ATXN1: variants seen among roughly 807,000 people sequenced by gnomAD.
ATXN1 encodes ataxin 1.
Under a neutral mutation model 56.4 loss-of-function variants are expected in ATXN1, and 8 were observed. The observed-to-expected ratio is 0.14, with a 90% CI of 0.08 to 0.26. ATXN1 has a LOEUF of 0.26. Ranked by LOEUF, ATXN1 falls within the 10% of genes least tolerant of loss-of-function variation. ATXN1 has a pLI of 1.00. For missense variants in ATXN1, 987 were observed against 1,106.5 expected (o/e 0.89, Z 1.53); for synonymous variants, 514 against 494.6 (o/e 1.04, Z -0.52).
At chr6:16,729,536 A>G (rs1254276363) in intron 2 of ATXN1, among the ~76,000 whole-genome samples, 1 of 152,196 alleles carries the variant, frequency 6.6e-6, no homozygotes, top group Admixed American at 6.5e-5. Flanking sequence ...GCAACTTGTC[A>G]TACCTATGTC....
intron 3 of ATXN1, among the ~76,000 whole-genome samples, chr6:16,609,549 C>T (rs1251117737): frequency 6.6e-6 from 1 of 152,196 alleles, no homozygotes; most frequent in Non-Finnish European, 1.5e-5. Context: ...TGTGCAGCTG[C>T]TGAAAAACAC....
intron 4 of ATXN1, among the ~76,000 whole-genome samples, chr6:16,567,953 T>C (rs1355123635): frequency 6.6e-6 from 1 of 152,200 alleles, no homozygotes; most frequent in East Asian, 1.9e-4. Flanking sequence ...CTTCCATGTG[T>C]TAGATTTTCC....
At chr6:16,444,391 G>C (rs1759591959) in intron 6 of ATXN1, among the ~76,000 whole-genome samples, 1 of 152,148 alleles carries the variant, frequency 6.6e-6, no homozygotes, top group Non-Finnish European at 1.5e-5. Context: ...AACTATCAAA[G>C]ACAGCCAGTA....
chr6:16,659,541 C>T (rs1222147932), intron 2 of ATXN1, among the ~76,000 whole-genome samples: 1 of 152,154 alleles, frequency 6.6e-6, no homozygotes, highest in East Asian at 1.9e-4. Context: ...AGGTCCTTGA[C>T]GTTTCATTCC....
intron 3 of ATXN1, among the ~76,000 whole-genome samples, chr6:16,608,833 G>T (rs1212148095): frequency 1.3e-5 from 2 of 152,186 alleles, no homozygotes; most frequent in Admixed American, 1.3e-4. Context: ...TACTTGGTGT[G>T]CTAAGTGTCC....
intron 2 of ATXN1, among the ~76,000 whole-genome samples, chr6:16,689,059 A>ATG (rs3072316): frequency 1.3e-5 from 2 of 151,082 alleles, no homozygotes; most frequent in Admixed American, 6.6e-5. Flanking sequence ...GTGTGTGTGT[A>ATG]TGTGTGTGTG....
In ATXN1 at chr6:16,760,079, C is replaced by G. The variant is rs1761027350; in HGVS notation, c.-730+1219G>C. 6.6e-6 allele frequency among the ~76,000 whole-genome samples: 1 copy of G among 152,160 alleles called. No homozygotes were observed. The highest frequency in any genetic ancestry group is 2.4e-5 in the African/African-American group (1 of 41,444). ...CACCTCTCGCTCCGCCCGTCCGGCC[C>G]CCTTCCCTGCCCCCTGCGGGACCGG... On this transcript the variant is annotated intron_variant, in intron 1 of 7. Transcript: ENST00000436367. The surrounding 1 kb of genome is among the most constrained non-coding windows in gnomAD (Gnocchi z 5.3).
intron 5 of ATXN1, among the ~76,000 whole-genome samples, chr6:16,509,270 T>C (rs971390100): frequency 1.2e-4 from 18 of 152,324 alleles, no homozygotes; most frequent in Non-Finnish European, 2.2e-4. Context: ...CAAGCCACTG[T>C]CATTTTCTAT....
intron 6 of ATXN1, among the ~76,000 whole-genome samples, chr6:16,471,816 A>G (rs1760225217): frequency 6.6e-6 from 1 of 152,126 alleles, no homozygotes; most frequent in Non-Finnish European, 1.5e-5. Flanking sequence ...ATTTTTCTTT[A>G]TAAGACACTC....
rs765205775 is a variant in ATXN1 at position 16,328,293 on chromosome 6, C to T, written c.18G>A (p.Glu6=). 2.0e-6 allele frequency: 3 copies of T among 1,508,590 alleles called. No homozygotes were observed. Among genetic ancestry groups the T allele is most frequent in the South Asian group, 2.6e-5 (2 of 76,748 alleles). The allele number at this position is 1,508,590 out of a possible 1,614,324, so 93.5% of individuals were successfully genotyped here. Residue 6 remains glutamate (E), a synonymous_variant, in exon 7 of 8, where the codon GAG becomes GAA. Transcript: ENST00000436367. The surrounding 1 kb of genome is among the most constrained non-coding windows in gnomAD (Gnocchi z 6.2). ...TGGGAGGCAGGCATTCGTTGCTCCGCTCTTGGTTGGATTTCATTTTTCGCC... is the reference window on the plus strand; with the variant it reads ...TGGGAGGCAGGCATTCGTTGCTCCGTTCTTGGTTGGATTTCATTTTTCGCC... The part of the protein sequence containing the change: MKSNQ[E]RSNECLPPKK...
At chr6:16,426,821 T>A (rs768012224) in intron 6 of ATXN1, among the ~76,000 whole-genome samples, 3 of 149,198 alleles carry the variant, frequency 2.0e-5, no homozygotes, top group Non-Finnish European at 3.0e-5. Context: ...TTTTCCCCCA[T>A]CTCTTAGATG....
intron 7 of ATXN1, among the ~76,000 whole-genome samples, chr6:16,318,971 C>T (rs777987845): frequency 1.3e-5 from 2 of 152,152 alleles, no homozygotes; most frequent in African/African-American, 4.8e-5. Context: ...AATCCCAGCA[C>T]TTTGGGGGCC....
At chr6:16,688,359 C>A (rs903270191) in intron 2 of ATXN1, among the ~76,000 whole-genome samples, 1 of 152,044 alleles carries the variant, frequency 6.6e-6, no homozygotes, top group Non-Finnish European at 1.5e-5. Flanking sequence ...TTGAAACAGC[C>A]CTGAAGTGAC....
intron 5 of ATXN1, among the ~76,000 whole-genome samples, chr6:16,514,780 G>A (rs1353797379): frequency 1.3e-5 from 2 of 152,000 alleles, no homozygotes; most frequent in Admixed American, 6.5e-5. Flanking sequence ...TCAAGAGATC[G>A]AGACCAGCCT....
chr6:16,527,336 T>C (rs998763007), intron 4 of ATXN1, among the ~76,000 whole-genome samples: 1 of 152,086 alleles, frequency 6.6e-6, no homozygotes, highest in Non-Finnish European at 1.5e-5. Flanking sequence ...GAGACACGAA[T>C]GCAGTTAACC....
At chr6:16,677,305 C>T (rs1318938305) in intron 2 of ATXN1, among the ~76,000 whole-genome samples, 1 of 152,126 alleles carries the variant, frequency 6.6e-6, no homozygotes, top group African/African-American at 2.4e-5. Context: ...TTTTTTGATT[C>T]CCCTCCCCAG....
chr6:16,528,544 C>G (rs1400081163), intron 4 of ATXN1, among the ~76,000 whole-genome samples: 3 of 152,164 alleles, frequency 2.0e-5, no homozygotes, highest in African/African-American at 7.2e-5. Context: ...TATTTTCGGA[C>G]TAACTTTTGG....
intron 6 of ATXN1, among the ~76,000 whole-genome samples, chr6:16,367,838 G>T (rs936798021): frequency 2.0e-5 from 3 of 152,150 alleles, no homozygotes; most frequent in African/African-American, 7.2e-5. Context: ...CTTTGGAAAG[G>T]GGGTAGGTCC....
intron 7 of ATXN1, among the ~76,000 whole-genome samples, chr6:16,322,686 G>A (rs1760683924): frequency 6.6e-6 from 1 of 152,184 alleles, no homozygotes; most frequent in African/African-American, 2.4e-5. Flanking sequence ...GGAGAAGGAT[G>A]TAGCCTTTGG....
Sources: allele counts gnomAD v4.1 joint callset (sites outside exome capture counted in the v4.1 genomes callset), GRCh38; gene constraint gnomAD v4.1.1; non-coding constraint Gnocchi (gnomAD v3.1); transcripts MANE v1.5; gene names NCBI Gene and HGNC (gene_info 2026-07-23, HGNC 2026-07-21).